Variants in CSMD1 observed in about 807,000 individuals in gnomAD.
CSMD1 encodes CUB and Sushi multiple domains 1, also known as CUB and sushi domain-containing protein 1.
A neutral mutation model predicts 417.5 loss-of-function variants in CSMD1; 213 were observed. That is an observed-to-expected ratio of 0.51 (90% confidence interval 0.46 to 0.57). CSMD1 has a LOEUF of 0.57. CSMD1 is among the 20% of genes least tolerant of loss of function. CSMD1 has a pLI of 0.00. For synonymous variants in CSMD1, 2,862 were observed against 1,736.8 expected (o/e 1.65, Z -16.11); for missense variants, 6,923 against 4,529.7 (o/e 1.53, Z -15.17).
intron 5 of CSMD1, among the ~76,000 whole-genome samples, chr8:3,961,452 T>C (rs927989984): frequency 3.3e-5 from 5 of 152,194 alleles, no homozygotes; most frequent in African/African-American, 7.2e-5. Flanking sequence ...TTGACACAGA[T>C]TTAAATTAAA....
At chr8:3,571,717 G>A (rs986000088) in intron 10 of CSMD1, among the ~76,000 whole-genome samples, 1 of 151,952 alleles carries the variant, frequency 6.6e-6, no homozygotes, top group African/African-American at 2.4e-5. Context: ...GTGTTCCTCC[G>A]TCCCTGTGCT....
At chr8:3,016,634 T>C (rs954450150) in intron 52 of CSMD1, among the ~76,000 whole-genome samples, 3 of 152,242 alleles carry the variant, frequency 2.0e-5, no homozygotes, top group African/African-American at 4.8e-5. Flanking sequence ...TCATTTCTAA[T>C]CTTTTTCTAT....
intron 1 of CSMD1, among the ~76,000 whole-genome samples, chr8:4,742,053 CGGAGTCTCTCTCTGTCGCCCAGGCT>C (rs1810647495): frequency 1.3e-5 from 1 of 77,320 alleles, no homozygotes; most frequent in Non-Finnish European, 2.4e-5. Flanking sequence ...TTTTTTGAGA[CGGAGTCTCTCTCTGTCGCCCAGGCT>C]GGAGTGCAGT....
chr8:4,370,335 G>C (rs531667909), intron 3 of CSMD1, among the ~76,000 whole-genome samples: 2 of 151,984 alleles, frequency 1.3e-5, no homozygotes, highest in African/African-American at 4.8e-5. Flanking sequence ...GGGTCCCTTT[G>C]TAAGTGACCT....
chr8:4,377,276 G>C (rs1205111026), intron 3 of CSMD1, among the ~76,000 whole-genome samples: 3 of 152,196 alleles, frequency 2.0e-5, no homozygotes, highest in Admixed American at 6.5e-5. Flanking sequence ...CCCTGGGACA[G>C]AGAGAGCAAA....
chr8:4,457,412 C>T (rs1322052648), intron 2 of CSMD1, among the ~76,000 whole-genome samples: 2 of 152,020 alleles, frequency 1.3e-5, no homozygotes, highest in African/African-American at 4.8e-5. Flanking sequence ...GTTTACTAAA[C>T]TCAGGGGAGT....
intron 3 of CSMD1, among the ~76,000 whole-genome samples, chr8:4,068,988 G>C (rs534725181): frequency 4.6e-5 from 7 of 152,236 alleles, no homozygotes; most frequent in Non-Finnish European, 7.4e-5. Flanking sequence ...ACGTTGAATG[G>C]CTTGGAAAGA....
chr8:4,243,317 C>A (rs1802511620), intron 3 of CSMD1, among the ~76,000 whole-genome samples: 1 of 152,114 alleles, frequency 6.6e-6, no homozygotes. Flanking sequence ...TTGGCTAAAT[C>A]TGAAATTGCT....
Position 3,396,214 on chromosome 8 carries a change from C to G in CSMD1, c.2573G>C (p.Gly858Ala). ...CTCACTCTCATAGTGGATGAGGAAG[C>G]CGATGCTGGAGCGGCTGTTGTCAGT... Reference protein sequence around the residue: ...FTTDNSRSSIGFLIHYESVTL... With the variant: ...FTTDNSRSSIAFLIHYESVTL... The change falls in exon 17 of 70, where the codon GGC becomes GCC. Residue 858 changes from glycine to alanine, a missense_variant. Physicochemically the swap from Gly to Ala is moderately conservative, Grantham distance 60 (BLOSUM62 0). Transcript: ENST00000635120. 1 of 1,564,330 alleles carries G rather than the reference C, an allele frequency of 6.4e-7. No individual in the cohort carries two copies. Among genetic ancestry groups the G allele is most frequent in the Non-Finnish European group, 8.7e-7 (1 of 1,154,342 alleles).
At chr8:3,442,003 G>A (rs891953335) in intron 12 of CSMD1, among the ~76,000 whole-genome samples, 6 of 151,636 alleles carry the variant, frequency 4.0e-5, no homozygotes, top group African/African-American at 1.2e-4. Flanking sequence ...CAGTGTGTAG[G>A]CCTAAGCTAT....
chr8:3,370,624 C>T lies in CSMD1; in HGVS notation c.2783-1254G>A, dbSNP rs368167089. On this transcript the variant is annotated intron_variant, in intron 18 of 69. Transcript: ENST00000635120. Reference sequence around the variant, plus strand: ...AGTCAGTGGACTGAGTGAAGATTTGCTTTCACCAATGTGAACTGGCATCAT... The same window carrying T: ...AGTCAGTGGACTGAGTGAAGATTTGTTTTCACCAATGTGAACTGGCATCAT... 3.3e-4 allele frequency among the ~76,000 whole-genome samples: 51 copies of T among 152,320 alleles called. No individual in the cohort carries two copies. In the East Asian group the frequency reaches 9.5e-3, roughly 28 times the overall value.
At chr8:4,687,905 A>C (rs1192772250) in intron 1 of CSMD1, among the ~76,000 whole-genome samples, 1 of 152,082 alleles carries the variant, frequency 6.6e-6, no homozygotes, top group Admixed American at 6.5e-5. Context: ...CTGGATAACG[A>C]CATGTCATAT....
Position 3,201,734 on chromosome 8 carries a change from T to C in CSMD1, c.4985-9A>G. ...AAACTGTCCAAAGACCACTAAAAAATAAGAGGTGGGATGTTGGCACAAGAT... is the reference window on the plus strand; with the variant it reads ...AAACTGTCCAAAGACCACTAAAAAACAAGAGGTGGGATGTTGGCACAAGAT... On this transcript the variant is annotated splice_polypyrimidine_tract_variant and intron_variant, in intron 31 of 69. Transcript: ENST00000635120. 2 of 1,545,318 alleles carry C rather than the reference T, an allele frequency of 1.3e-6. No individual in the cohort carries two copies. The highest frequency in any genetic ancestry group is 2.3e-5 in the South Asian group (2 of 85,278).
intron 3 of CSMD1, among the ~76,000 whole-genome samples, chr8:4,138,132 G>C (rs369582662): frequency 1.6e-5 from 2 of 127,446 alleles, no homozygotes; most frequent in East Asian, 2.4e-4. Context: ...ACCCAGGATG[G>C]TCTCAATCTC....
chr8:3,066,505 T>C (rs1162715099), intron 49 of CSMD1, among the ~76,000 whole-genome samples: 1 of 152,196 alleles, frequency 6.6e-6, no homozygotes. Context: ...ACGACATGTA[T>C]TTTGAAGTGG....
intron 3 of CSMD1, among the ~76,000 whole-genome samples, chr8:4,095,904 C>G (rs1454589577): frequency 6.6e-6 from 1 of 152,148 alleles, no homozygotes; most frequent in Non-Finnish European, 1.5e-5. Flanking sequence ...TTTATACACA[C>G]ATTTTTGTTT....
At chr8:3,993,950 C>A (rs1230595404) in intron 5 of CSMD1, among the ~76,000 whole-genome samples, 6 of 152,098 alleles carry the variant, frequency 3.9e-5, no homozygotes, top group Non-Finnish European at 7.4e-5. Flanking sequence ...ATGAAAACGC[C>A]CAGTAACATA....
intron 5 of CSMD1, among the ~76,000 whole-genome samples, chr8:3,897,151 A>G (rs1436463254): frequency 6.6e-6 from 1 of 152,206 alleles, no homozygotes; most frequent in Non-Finnish European, 1.5e-5. Context: ...TTAAAACAGG[A>G]GTCTGAATTT....
rs143668612 is a variant in CSMD1 at position 3,348,586 on chromosome 8, T to C, written c.3305-425A>G. 2.1e-3 allele frequency among the ~76,000 whole-genome samples: 321 copies of C among 152,304 alleles called. 3 individuals carry two copies. The highest frequency in any genetic ancestry group is 7.1e-3 in the African/African-American group (293 of 41,560). On this transcript the variant is annotated intron_variant, in intron 21 of 69. Coordinates refer to ENST00000635120, the MANE Select transcript of CSMD1 (RefSeq NM_033225.6). ...CATTGTTTGTCTGCATTTTCCTTCA[T>C]TGACATCTTATGGCATCAACTGGGA...
Sources: gnomAD v4.1 joint callset for allele counts (sites outside exome capture counted in the v4.1 genomes callset) on GRCh38, gnomAD v4.1.1 for gene constraint, MANE v1.5 for transcripts, NCBI Gene and HGNC (gene_info 2026-07-23, HGNC 2026-07-21) for gene names.